MTHFD1L: variants seen among roughly 807,000 people sequenced by gnomAD.
MTHFD1L encodes the protein monofunctional C1-tetrahydrofolate synthase, mitochondrial.
A neutral mutation model predicts 119.5 loss-of-function variants in MTHFD1L; 81 were observed. The ratio of observed to expected loss-of-function variants is 0.68; its 90% CI spans 0.57 to 0.82. The LOEUF (loss-of-function observed/expected upper bound fraction) is 0.82, where lower values mean the gene tolerates loss of function less well. Ranked by LOEUF, MTHFD1L falls within the 40% of genes least tolerant of loss-of-function variation. The pLI, the probability that MTHFD1L is intolerant of heterozygous loss-of-function variation, is 0.00. For synonymous variants in MTHFD1L, 430 were observed against 475.2 expected, an observed-to-expected ratio of 0.90 and a Z score of 1.24; for missense variants, 1,125 against 1,253.4, an observed-to-expected ratio of 0.90 and a Z score of 1.55.
rs1398349064 is a variant in MTHFD1L at position 151,015,531 on chromosome 6, TGA to T, written c.2427_2428del (p.Glu809AspfsTer2). 6.2e-7 allele frequency: 1 copy of T among 1,608,844 alleles called. No homozygotes were observed. Among genetic ancestry groups the T allele is most frequent in the Non-Finnish European group, 8.5e-7 (1 of 1,176,296 alleles). Reference protein sequence around the residue: ...LNVFKTDTRAEIDLVCELAKR... With the variant: ...LNVFKTDTRAXIDLVCELAKR... ...TCTTCACTAGGACCGACACCCGCGC[TGA>T]GATTGACTTGGTGTGTGAGCTTGCA... On this transcript the variant is annotated frameshift_variant, in exon 24 of 28. Transcript: ENST00000367321. LOFTEE classifies it high-confidence loss of function.
At chr6:150,979,818 T>A (rs980560516) in intron 20 of MTHFD1L, among the ~76,000 whole-genome samples, 3 of 152,176 alleles carry the variant, frequency 2.0e-5, no homozygotes, top group Non-Finnish European at 4.4e-5. Context: ...AGTTTTATAA[T>A]CAGTCTTCTT....
chr6:150,975,141 T>A (rs1160081273), intron 20 of MTHFD1L, among the ~76,000 whole-genome samples: 1 of 152,228 alleles, frequency 6.6e-6, no homozygotes, highest in Admixed American at 6.5e-5. Context: ...TGTTTCCACC[T>A]TTGGCTCTTA....
At chr6:151,099,800 A>G in intron 27 of MTHFD1L, 5 of 1,606,686 alleles carry the variant, frequency 3.1e-6, no homozygotes, top group African/African-American at 1.3e-5. Flanking sequence ...CTGATGTGCA[A>G]CAATCGTACT....
chr6:150,922,792 C>T (rs961857490), intron 10 of MTHFD1L, among the ~76,000 whole-genome samples: 12 of 151,678 alleles, frequency 7.9e-5, no homozygotes, highest in Non-Finnish European at 1.5e-4. Flanking sequence ...TACAGGTGCA[C>T]GCCACCACAC....
At chr6:150,917,988 T>G (rs992125521) in intron 8 of MTHFD1L, among the ~76,000 whole-genome samples, 1 of 152,132 alleles carries the variant, frequency 6.6e-6, no homozygotes, top group Non-Finnish European at 1.5e-5. Flanking sequence ...CAGTGTGAGA[T>G]ATGATTTTGA....
intron 15 of MTHFD1L, among the ~76,000 whole-genome samples, chr6:150,945,855 A>G (rs1793842229): frequency 6.6e-6 from 1 of 152,170 alleles, no homozygotes; most frequent in African/African-American, 2.4e-5. Context: ...AGCTGGGCAC[A>G]GGAGCACATA....
intron 1 of MTHFD1L, chr6:150,866,550 T>G: frequency 8.0e-7 from 1 of 1,253,772 alleles, no homozygotes. Flanking sequence ...CGAAGCTCCC[T>G]GGTGTTGTGC....
chr6:150,945,436 G>C, intron 14 of MTHFD1L, 31 bp from the exon 15 acceptor site: 1 of 1,578,534 alleles, frequency 6.3e-7, no homozygotes, highest in South Asian at 1.1e-5. Flanking sequence ...ACTAACTTTT[G>C]TGTGGTCTCA....
intron 10 of MTHFD1L, among the ~76,000 whole-genome samples, chr6:150,924,243 CAG>C (rs1789534358): frequency 6.6e-6 from 1 of 152,170 alleles, no homozygotes; most frequent in African/African-American, 2.4e-5. Context: ...GTTTTTGAGA[CAG>C]AGCCTTGCTC....
chr6:151,004,492 G>A (rs1274030478), intron 20 of MTHFD1L, among the ~76,000 whole-genome samples: 2 of 152,172 alleles, frequency 1.3e-5, no homozygotes, highest in African/African-American at 4.8e-5. Context: ...TTGTTCTGGT[G>A]TTCTCGTTTC....
At chr6:150,896,278 A>C (rs1365554791) in intron 7 of MTHFD1L, among the ~76,000 whole-genome samples, 2 of 152,188 alleles carry the variant, frequency 1.3e-5, no homozygotes, top group African/African-American at 2.4e-5. Context: ...TGATGTTTGT[A>C]ATCCCAGAGC....
chr6:150,877,583 G>C, intron 2 of MTHFD1L, 51 bp from the exon 3 acceptor site: 2 of 1,583,374 alleles, frequency 1.3e-6, no homozygotes, highest in Non-Finnish European at 1.7e-6. Flanking sequence ...ATTATCTTTT[G>C]TGCCTTTTCA....
At chr6:150,928,589 T>C (rs1438842873) in intron 11 of MTHFD1L, among the ~76,000 whole-genome samples, 3 of 150,446 alleles carry the variant, frequency 2.0e-5, no homozygotes, top group Admixed American at 1.3e-4. Flanking sequence ...TCACCCAGGC[T>C]GGAGTGCACT....
chr6:151,015,364 A>G lies in MTHFD1L; in HGVS notation c.2409-152A>G, dbSNP rs374160049. 310 of 850,238 alleles carry G rather than the reference A, an allele frequency of 3.6e-4. 5 individuals carry two copies. The South Asian group carries it at 6.1e-3, about 17-fold the overall frequency. 52.7% of individuals were successfully genotyped at this position (850,238 alleles called of 1,614,324 possible). ...AGAGGACTTTTTTTTTCCATGCTTT[A>G]AGTCTGATTTATTTAAACACGATGT... On this transcript the variant is annotated intron_variant, in intron 23 of 27. Coordinates refer to ENST00000367321, the MANE Select transcript of MTHFD1L (RefSeq NM_015440.5).
At chr6:150,889,894 C>A (rs1326248012) in intron 7 of MTHFD1L, among the ~76,000 whole-genome samples, 1 of 152,074 alleles carries the variant, frequency 6.6e-6, no homozygotes, top group Non-Finnish European at 1.5e-5. Context: ...TGATAGCTCA[C>A]CCCTGTAATT....
intron 27 of MTHFD1L, among the ~76,000 whole-genome samples, chr6:151,100,781 G>A (rs1795306366): frequency 6.6e-6 from 1 of 151,874 alleles, no homozygotes; most frequent in Admixed American, 6.6e-5. Flanking sequence ...CTTCCATGTT[G>A]TCCTAAATGC....
intron 8 of MTHFD1L, among the ~76,000 whole-genome samples, chr6:150,906,139 A>C (rs1257821072): frequency 1.3e-5 from 2 of 152,254 alleles, no homozygotes; most frequent in Admixed American, 6.5e-5. Flanking sequence ...ATGTAAAAGC[A>C]GATGAGCGCC....
intron 4 of MTHFD1L, among the ~76,000 whole-genome samples, chr6:150,878,732 T>G (rs1780881814): frequency 6.6e-6 from 1 of 152,200 alleles, no homozygotes; most frequent in Non-Finnish European, 1.5e-5. Context: ...TAGTCATTTG[T>G]GAGACAAAGA....
intron 7 of MTHFD1L, among the ~76,000 whole-genome samples, chr6:150,904,948 A>G (rs1259380705): frequency 1.3e-5 from 2 of 151,588 alleles, no homozygotes; most frequent in African/African-American, 4.9e-5. Context: ...TAACAGTTCT[A>G]TAGGGGTCTC....
Sources: gnomAD v4.1 joint callset for allele counts (sites outside exome capture counted in the v4.1 genomes callset) on GRCh38, gnomAD v4.1.1 for gene constraint, MANE v1.5 for transcripts, NCBI Gene and HGNC (gene_info 2026-07-23, HGNC 2026-07-21) for gene names.